Variants in SAMD5 observed in about 807,000 individuals in gnomAD.
The protein encoded by SAMD5 is sterile alpha motif domain containing 5, also known as sterile alpha motif domain-containing protein 5.
SAMD5 carries 13 observed loss-of-function variants against 11.3 expected under a neutral mutation model. The ratio of observed to expected loss-of-function variants is 1.15; its 90% CI spans 0.75 to 1.83. The LOEUF is 1.83. Ranked by LOEUF, SAMD5 falls within the 40% of genes most tolerant of loss-of-function variation. The probability of loss-of-function intolerance (pLI) is 0.00; values close to 1 mark genes in which losing one functional copy is unlikely to be tolerated. For missense variants in SAMD5, 255 were observed against 239.1 expected, an observed-to-expected ratio of 1.07 and a Z score of -0.44; for synonymous variants, 129 against 111.3, an observed-to-expected ratio of 1.16 and a Z score of -1.00.
Position 147,677,739 on chromosome 6 carries a change from G to A in SAMD5, c.163-59578G>A, listed in dbSNP as rs187067304. The stretch of plus-strand genomic sequence containing the variant: ...GGCCATGGGACATCGGCACTGTAAA[G>A]GGATGGGGAGGTTAGAGGGTGTATG... On this transcript the variant is annotated intron_variant, in intron 1 of 1. Transcript: ENST00000566741. Among the ~76,000 whole-genome samples, 13 of 152,208 alleles carry A rather than the reference G, an allele frequency of 8.5e-5. No individual in the cohort carries two copies. The East Asian group carries it at 1.9e-3, about 23-fold the overall frequency.
the SAMD5 span, among the ~76,000 whole-genome samples, chr6:147,796,392 T>G: frequency 1.3e-5 from 2 of 152,292 alleles, no homozygotes; most frequent in Middle Eastern, 3.4e-3. Context: ...TGTGGCATTA[T>G]TTCTGAGGGC....
At chr6:147,613,401 C>G (rs1031292287) in intron 1 of SAMD5, among the ~76,000 whole-genome samples, 1 of 151,874 alleles carries the variant, frequency 6.6e-6, no homozygotes, top group Non-Finnish European at 1.5e-5. Flanking sequence ...CTTCTGGCCC[C>G]CTTTCTGGCT....
chr6:147,756,259 G>T, the SAMD5 span, among the ~76,000 whole-genome samples: 1 of 152,032 alleles, frequency 6.6e-6, no homozygotes, highest in Non-Finnish European at 1.5e-5. Context: ...AAACTGATTT[G>T]GGCTATTAAT....
intron 1 of SAMD5, among the ~76,000 whole-genome samples, chr6:147,524,413 GT>G (rs1271296916): frequency 6.8e-6 from 1 of 147,860 alleles, no homozygotes; most frequent in African/African-American, 2.5e-5. Flanking sequence ...TTTTGTTTTT[GT>G]TTTTGTTGTT....
At chr6:147,893,644 T>C in the SAMD5 span, among the ~76,000 whole-genome samples, 1 of 152,200 alleles carries the variant, frequency 6.6e-6, no homozygotes, top group East Asian at 1.9e-4. Flanking sequence ...ACAGGATCTA[T>C]TGACACTATT....
At chr6:147,726,563 C>T (rs980538448) in intron 1 of SAMD5, among the ~76,000 whole-genome samples, 1 of 152,208 alleles carries the variant, frequency 6.6e-6, no homozygotes, top group Non-Finnish European at 1.5e-5. Context: ...CCGGCCCTCA[C>T]ATTTTGCAAA....
At chr6:147,607,001 C>CCTTGCCTT (rs1430097013) in intron 1 of SAMD5, among the ~76,000 whole-genome samples, 1 of 149,656 alleles carries the variant, frequency 6.7e-6, no homozygotes, top group African/African-American at 2.5e-5. Context: ...TATATGAAGT[C>CCTTGCCTT]CTTGCCTTCT....
intron 1 of SAMD5, among the ~76,000 whole-genome samples, chr6:147,674,020 T>C (rs1047297189): frequency 2.0e-5 from 3 of 152,234 alleles, no homozygotes; most frequent in Non-Finnish European, 4.4e-5. Flanking sequence ...TATTCACAGT[T>C]GTTCAATGGT....
At chr6:147,884,809 T>C in the SAMD5 span, among the ~76,000 whole-genome samples, 1 of 152,186 alleles carries the variant, frequency 6.6e-6, no homozygotes, top group East Asian at 1.9e-4. Flanking sequence ...AAATACTGAA[T>C]TGAATGACAG....
the SAMD5 span, among the ~76,000 whole-genome samples, chr6:147,917,397 TG>T: frequency 1.1e-4 from 17 of 151,268 alleles, no homozygotes; most frequent in African/African-American, 4.2e-4. Context: ...CACTTTTTGA[TG>T]GGGTTGTTTG....
chr6:147,524,216 T>C (rs1311654725), intron 1 of SAMD5, among the ~76,000 whole-genome samples: 1 of 152,066 alleles, frequency 6.6e-6, no homozygotes, highest in African/African-American at 2.4e-5. Flanking sequence ...CTTCTTCTGA[T>C]CACTTCTCCA....
At chr6:147,544,037 A>G (rs980638389) in intron 1 of SAMD5, among the ~76,000 whole-genome samples, 1 of 152,184 alleles carries the variant, frequency 6.6e-6, no homozygotes, top group Non-Finnish European at 1.5e-5. Flanking sequence ...GATAATTTAT[A>G]AAATACTTCC....
chr6:147,936,883 G>A, the SAMD5 span, among the ~76,000 whole-genome samples: 1 of 152,134 alleles, frequency 6.6e-6, no homozygotes, highest in South Asian at 2.1e-4. Flanking sequence ...GTACCTTTAT[G>A]TGACACGTCA....
chr6:147,670,960 A>G (rs143655851), intron 1 of SAMD5, among the ~76,000 whole-genome samples: 90 of 152,346 alleles, frequency 5.9e-4, no homozygotes, highest in African/African-American at 2.1e-3. Flanking sequence ...TGACTACTTC[A>G]CTAAGCTTAA....
intron 1 of SAMD5, among the ~76,000 whole-genome samples, chr6:147,525,229 A>G (rs571688434): frequency 6.7e-6 from 1 of 149,638 alleles, no homozygotes; most frequent in African/African-American, 2.5e-5. Flanking sequence ...AGTAGGGTTT[A>G]CATTGACTGT....
At chr6:147,521,151 G>T (rs532411015) in intron 1 of SAMD5, among the ~76,000 whole-genome samples, 1 of 151,924 alleles carries the variant, frequency 6.6e-6, no homozygotes, top group South Asian at 2.1e-4. Context: ...TTTATTATTT[G>T]AAAATGTCAC....
chr6:147,908,725 A>G, the SAMD5 span, among the ~76,000 whole-genome samples: 1 of 152,244 alleles, frequency 6.6e-6, no homozygotes, highest in Non-Finnish European at 1.5e-5. Flanking sequence ...AGAAAATTTT[A>G]GGAAAGAGAT....
chr6:147,909,635 T>TTTCTCC, the SAMD5 span, among the ~76,000 whole-genome samples: 2 of 108,136 alleles, frequency 1.8e-5, no homozygotes, highest in Non-Finnish European at 3.9e-5. Context: ...TTTCTTTCTC[T>TTTCTCC]TTCTTGTCTT....
At chr6:147,676,146 A>G (rs1790859499) in intron 1 of SAMD5, 1 of 152,190 alleles carries the variant, frequency 6.6e-6, no homozygotes, top group Non-Finnish European at 1.5e-5. Flanking sequence ...AGGAATAAGC[A>G]GAGCATGCTG....
Sources: gnomAD v4.1 joint callset for allele counts (sites outside exome capture counted in the v4.1 genomes callset) on GRCh38, gnomAD v4.1.1 for gene constraint, MANE v1.5 for transcripts, NCBI Gene and HGNC (gene_info 2026-07-23, HGNC 2026-07-21) for gene names.